RNF13: variants seen among roughly 807,000 people sequenced by gnomAD.
RNF13 encodes ring finger protein 13.
Under a neutral mutation model 37.7 loss-of-function variants are expected in RNF13, and 19 were observed. That is an observed-to-expected ratio of 0.50 (90% CI 0.35 to 0.74). RNF13 has a LOEUF of 0.74. RNF13 is among the 30% of genes least tolerant of loss of function. The pLI is 0.01. For synonymous variants in RNF13, 144 were observed against 157.8 expected, an observed-to-expected ratio of 0.91 and a Z score of 0.65; for missense variants, 375 against 453.0, an observed-to-expected ratio of 0.83 and a Z score of 1.56.
At chr3:149,944,853 C>G (rs13066184) in intron 8 of RNF13, among the ~76,000 whole-genome samples, 38,384 of 151,762 alleles carry the variant, frequency 0.25, 6,127 homozygotes, top group Non-Finnish European at 0.36. Context: ...GTTGCCATTG[C>G]TTTTGGTGTT....
intron 8 of RNF13, chr3:149,939,534 A>G: frequency 3.4e-6 from 2 of 586,320 alleles, no homozygotes; most frequent in Non-Finnish European, 6.6e-6. Flanking sequence ...CAAGGCCCCC[A>G]GAAACCATTG....
intron 3 of RNF13, among the ~76,000 whole-genome samples, chr3:149,863,030 C>G (rs998891945): frequency 6.6e-6 from 1 of 152,056 alleles, no homozygotes; most frequent in African/African-American, 2.4e-5. Flanking sequence ...ATGACAGTAC[C>G]CTTATTAAGG....
chr3:149,860,327 A>T, intron 3 of RNF13, among the ~76,000 whole-genome samples: 1 of 147,688 alleles, frequency 6.8e-6, no homozygotes, highest in African/African-American at 2.5e-5. Flanking sequence ...GTATTTATAC[A>T]TAATGTATAC....
At position 149,899,822 on chromosome 3, in the gene RNF13, A is replaced by C. The variant is rs576872570; in HGVS notation, c.410-2250A>C. ...TGCTGTTTACAGAGATGAGAAACAG[A>C]GTTGATCGACTGAGAGAAAAGAGAC... On this transcript the variant is annotated intron_variant, in intron 5 of 9. Transcript: ENST00000392894. Among the ~76,000 whole-genome samples the C allele has an allele frequency of 9.8e-5, 15 of 152,328 alleles. No individual in the cohort carries two copies. In the East Asian group the frequency reaches 2.9e-3, roughly 29 times the overall value.
chr3:149,854,079 G>T (rs1245232357), intron 3 of RNF13, among the ~76,000 whole-genome samples: 3 of 151,592 alleles, frequency 2.0e-5, no homozygotes, highest in Non-Finnish European at 2.9e-5. Context: ...CAAGTGATCC[G>T]CCCACCTTAG....
chr3:149,841,117 T>C (rs1722137639), intron 1 of RNF13, among the ~76,000 whole-genome samples: 1 of 152,238 alleles, frequency 6.6e-6, no homozygotes, highest in Non-Finnish European at 1.5e-5. Flanking sequence ...CTTTTCAGTT[T>C]AAATACTTTT....
chr3:149,937,288 T>TACCTTA (rs1210997011), intron 8 of RNF13, among the ~76,000 whole-genome samples: 3 of 152,190 alleles, frequency 2.0e-5, no homozygotes, highest in Non-Finnish European at 2.9e-5. Flanking sequence ...GGAAACTGGC[T>TACCTTA]GTCTACCTTA....
At chr3:149,863,865 T>A (rs185076116) in intron 3 of RNF13, among the ~76,000 whole-genome samples, 114 of 152,314 alleles carry the variant, frequency 7.5e-4, no homozygotes, top group African/African-American at 2.5e-3. Flanking sequence ...GAATTATGCA[T>A]AAATATTCTT....
At chr3:149,904,776 A>T (rs536944223) in intron 6 of RNF13, among the ~76,000 whole-genome samples, 24 of 146,860 alleles carry the variant, frequency 1.6e-4, no homozygotes, top group African/African-American at 3.3e-4. Context: ...AGTAATAATT[A>T]AAAAAAGACT....
chr3:149,877,808 A>G (rs1297953976), intron 4 of RNF13, among the ~76,000 whole-genome samples: 5 of 152,134 alleles, frequency 3.3e-5, no homozygotes, highest in African/African-American at 1.2e-4. Context: ...GAGCATATTC[A>G]AGGATATTCG....
intron 8 of RNF13, chr3:149,939,586 G>A (rs555346672): frequency 4.9e-6 from 3 of 607,212 alleles, no homozygotes; most frequent in South Asian, 1.4e-5. Flanking sequence ...TACTTTAATC[G>A]GACTGCCTTC....
At chr3:149,911,589 G>A (rs528136734) in intron 6 of RNF13, among the ~76,000 whole-genome samples, 4 of 152,020 alleles carry the variant, frequency 2.6e-5, no homozygotes, top group East Asian at 1.9e-4. Flanking sequence ...AACCCCGGAG[G>A]TGGAGGTTGC....
intron 4 of RNF13, among the ~76,000 whole-genome samples, chr3:149,893,462 C>T (rs1164958794): frequency 1.3e-5 from 2 of 152,172 alleles, no homozygotes; most frequent in Non-Finnish European, 2.9e-5. Flanking sequence ...AACATTTCTC[C>T]TCAGCTCCTT....
At chr3:149,905,934 T>C in intron 6 of RNF13, among the ~76,000 whole-genome samples, 1 of 152,208 alleles carries the variant, frequency 6.6e-6, no homozygotes, top group East Asian at 1.9e-4. Flanking sequence ...ATTTTAGAAC[T>C]TTTTCAATAT....
At chr3:149,820,869 G>A (rs544266293) in intron 1 of RNF13, among the ~76,000 whole-genome samples, 2 of 152,128 alleles carry the variant, frequency 1.3e-5, no homozygotes, top group East Asian at 3.9e-4. Flanking sequence ...TACTTATTCT[G>A]GATATTTTAT....
chr3:149,933,982 A>G (rs1467957011), intron 8 of RNF13, among the ~76,000 whole-genome samples: 2 of 152,182 alleles, frequency 1.3e-5, no homozygotes, highest in Admixed American at 1.3e-4. Flanking sequence ...CCAGTTTGGT[A>G]GTTTTCAGCA....
chr3:149,932,899 A>G (rs1719305005), intron 8 of RNF13, among the ~76,000 whole-genome samples: 1 of 152,204 alleles, frequency 6.6e-6, no homozygotes, highest in Non-Finnish European at 1.5e-5. Context: ...TTTCCCCTCA[A>G]TACTGCACTA....
intron 6 of RNF13, among the ~76,000 whole-genome samples, chr3:149,907,161 C>A (rs570545225): frequency 2.6e-5 from 4 of 152,210 alleles, no homozygotes; most frequent in East Asian, 1.9e-4. Context: ...TGACTAAATT[C>A]TCTTACTGTT....
In RNF13 at chr3:149,901,018, G is replaced by T. The variant is rs559045488; in HGVS notation, c.410-1054G>T. On this transcript the variant is annotated intron_variant, in intron 5 of 9. Transcript: ENST00000392894. ...ATAGATCAGTAATTTATAAGTTTAG[G>T]GGGTAGGGGTTGACTGTATGAGGGA... is the stretch of plus-strand genomic sequence containing the variant. Among the ~76,000 whole-genome samples, 117 of 152,254 alleles carry T rather than the reference G, an allele frequency of 7.7e-4. 1 individual carries two copies. Among genetic ancestry groups the T allele is most frequent in the South Asian group, 2.3e-3 (11 of 4,818 alleles).
Sources: allele counts gnomAD v4.1 joint callset (sites outside exome capture counted in the v4.1 genomes callset), GRCh38; gene constraint gnomAD v4.1.1; transcripts MANE v1.5; gene names NCBI Gene and HGNC (gene_info 2026-07-23, HGNC 2026-07-21).